Variants in TENM2 observed in about 807,000 individuals in gnomAD.
The protein encoded by TENM2 is teneurin transmembrane protein 2.
Under a neutral mutation model 245.2 loss-of-function variants are expected in TENM2, and 52 were observed. The observed-to-expected ratio is 0.21, with a 90% CI of 0.17 to 0.27. TENM2 has a LOEUF of 0.27. Ranked by LOEUF, TENM2 falls within the 10% of genes least tolerant of loss-of-function variation. The pLI, the probability that TENM2 is intolerant of heterozygous loss-of-function variation, is 1.00. For missense variants in TENM2, 3,046 were observed against 3,666.8 expected (o/e 0.83, Z 4.37); for synonymous variants, 1,363 against 1,438.9 (o/e 0.95, Z 1.19).
intron 2 of TENM2, among the ~76,000 whole-genome samples, chr5:167,445,336 T>TATATATAGAGAGAGAGAGAG (rs368881390): frequency 2.5e-4 from 19 of 77,286 alleles, no homozygotes; most frequent in African/African-American, 6.1e-4. Flanking sequence ...TATATATATA[T>TATATATAGAGAGAGAGAGAG]AGAGAGAGAG....
At chr5:168,023,888 T>C (rs1786379115) in intron 5 of TENM2, among the ~76,000 whole-genome samples, 1 of 152,166 alleles carries the variant, frequency 6.6e-6, no homozygotes, top group African/African-American at 2.4e-5. Flanking sequence ...CTCACTTTCC[T>C]CTAAGTCTCA....
At chr5:167,797,833 T>C (rs553207313) in intron 2 of TENM2, among the ~76,000 whole-genome samples, 2 of 152,314 alleles carry the variant, frequency 1.3e-5, no homozygotes, top group African/African-American at 4.8e-5. Context: ...GAAAACTTGT[T>C]GCTGACTGAC....
chr5:167,429,331 C>T (rs565917992), intron 2 of TENM2, among the ~76,000 whole-genome samples: 1 of 152,212 alleles, frequency 6.6e-6, no homozygotes, highest in South Asian at 2.1e-4. Context: ...TCCTATGTTT[C>T]TCAAAAGATT....
rs149036308 is a variant in TENM2 at position 167,619,297 on chromosome 5, C to T, written c.502+243824C>T. 1.4e-4 allele frequency among the ~76,000 whole-genome samples: 21 copies of T among 152,214 alleles called. No individual in the cohort carries two copies. The East Asian group carries it at 4.1e-3, about 29-fold the overall frequency. ...TAGCAGCTTTATTCTGCTACCTTTTCACATTTTTAAATAAAGAGTTGATCT... is the reference window on the plus strand; with the variant it reads ...TAGCAGCTTTATTCTGCTACCTTTTTACATTTTTAAATAAAGAGTTGATCT... On this transcript the variant is annotated intron_variant, in intron 2 of 28. Transcript: ENST00000518659.
chr5:167,905,918 G>A (rs967584623), intron 3 of TENM2, among the ~76,000 whole-genome samples: 1 of 152,162 alleles, frequency 6.6e-6, no homozygotes, highest in Non-Finnish European at 1.5e-5. Context: ...GGAACATTAA[G>A]CATAATTAGT....
At chr5:167,972,275 T>C (rs1392181756) in intron 4 of TENM2, among the ~76,000 whole-genome samples, 1 of 152,230 alleles carries the variant, frequency 6.6e-6, no homozygotes, top group East Asian at 1.9e-4. Flanking sequence ...CTTGTGGATG[T>C]CTGAGCATGT....
At chr5:167,848,014 A>G (rs1770208700) in intron 2 of TENM2, among the ~76,000 whole-genome samples, 1 of 152,174 alleles carries the variant, frequency 6.6e-6, no homozygotes, top group South Asian at 2.1e-4. Flanking sequence ...ATATATGTTC[A>G]TTCTTCTAGC....
chr5:168,152,539 G>T (rs145883707), intron 12 of TENM2, among the ~76,000 whole-genome samples: 1,622 of 152,256 alleles, frequency 0.011, 42 homozygotes, highest in African/African-American at 0.037. Context: ...GTAGAAATTG[G>T]ATGGTTAAAA....
At chr5:167,873,800 G>T (rs1773183882) in intron 2 of TENM2, among the ~76,000 whole-genome samples, 1 of 152,126 alleles carries the variant, frequency 6.6e-6, no homozygotes, top group Non-Finnish European at 1.5e-5. Flanking sequence ...CAGCAAGAAA[G>T]TCATGCCTTA....
At chr5:167,747,782 C>G (rs2150627628) in intron 2 of TENM2, among the ~76,000 whole-genome samples, 1 of 152,302 alleles carries the variant, frequency 6.6e-6, no homozygotes. Flanking sequence ...TAGGACACAA[C>G]AGGTAATCTT....
chr5:167,769,342 AT>A (rs1284622053), intron 2 of TENM2, among the ~76,000 whole-genome samples: 1 of 152,110 alleles, frequency 6.6e-6, no homozygotes, highest in East Asian at 1.9e-4. Context: ...TGGTCATTTT[AT>A]TTTTTATTGA....
intron 23 of TENM2, among the ~76,000 whole-genome samples, chr5:168,223,609 G>C (rs2152572156): frequency 6.6e-6 from 1 of 151,890 alleles, no homozygotes; most frequent in South Asian, 2.1e-4. Context: ...TGGGACTACA[G>C]GCACACGGCA....
At chr5:167,339,136 A>C (rs1444618697) in intron 1 of TENM2, among the ~76,000 whole-genome samples, 7 of 152,230 alleles carry the variant, frequency 4.6e-5, no homozygotes, top group African/African-American at 1.7e-4. Flanking sequence ...CAACAGCCCT[A>C]AAGTCTAAAG....
the TENM2 span, among the ~76,000 whole-genome samples, chr5:167,272,157 G>T: frequency 2.6e-5 from 4 of 152,110 alleles, no homozygotes; most frequent in African/African-American, 9.7e-5. Flanking sequence ...CCCTATCTCA[G>T]CTTCTCTCTC....
At chr5:167,292,248 G>A (rs1255209020) in intron 1 of TENM2, among the ~76,000 whole-genome samples, 1 of 152,046 alleles carries the variant, frequency 6.6e-6, no homozygotes, top group Non-Finnish European at 1.5e-5. Flanking sequence ...TTTGCTACTG[G>A]GCCTTGGAAT....
At chr5:167,612,116 A>G (rs1035389708) in intron 2 of TENM2, among the ~76,000 whole-genome samples, 20 of 152,132 alleles carry the variant, frequency 1.3e-4, no homozygotes, top group Non-Finnish European at 1.9e-4. Flanking sequence ...GCGAGTTACT[A>G]TTTGAGCCAG....
intron 5 of TENM2, among the ~76,000 whole-genome samples, chr5:168,006,747 A>G (rs146018220): frequency 2.6e-5 from 4 of 152,366 alleles, no homozygotes; most frequent in African/African-American, 9.6e-5. Flanking sequence ...TTAACCAGTA[A>G]TAGTAAAACA....
At chr5:167,890,116 C>T (rs1297481512) in intron 3 of TENM2, among the ~76,000 whole-genome samples, 2 of 152,226 alleles carry the variant, frequency 1.3e-5, no homozygotes, top group Non-Finnish European at 2.9e-5. Flanking sequence ...CCCTTCTCCT[C>T]TTGGGCCCTC....
At chr5:167,893,572 T>C (rs1170419033) in intron 3 of TENM2, among the ~76,000 whole-genome samples, 1 of 152,116 alleles carries the variant, frequency 6.6e-6, no homozygotes, top group African/African-American at 2.4e-5. Context: ...GTTGCTAGTA[T>C]TTTCTTGTAT....
Sources: gnomAD v4.1 joint callset for allele counts (sites outside exome capture counted in the v4.1 genomes callset) on GRCh38, gnomAD v4.1.1 for gene constraint, MANE v1.5 for transcripts, NCBI Gene and HGNC (gene_info 2026-07-23, HGNC 2026-07-21) for gene names.